KCNQ5: variants seen among roughly 807,000 people sequenced by gnomAD.
KCNQ5 encodes the protein potassium voltage-gated channel subfamily KQT member 5.
In KCNQ5, 30 loss-of-function variants were observed where a neutral mutation model predicts 98.2. The ratio of observed to expected loss-of-function variants is 0.31; its 90% CI spans 0.23 to 0.41. The LOEUF (loss-of-function observed/expected upper bound fraction) is 0.41, where lower values mean the gene tolerates loss of function less well. Among genes scored for constraint, KCNQ5 ranks in the 10% least tolerant of loss-of-function variants. The probability of loss-of-function intolerance (pLI) is 1.00; values close to 1 mark genes in which losing one functional copy is unlikely to be tolerated. For synonymous variants in KCNQ5, 458 were observed against 449.4 expected, an observed-to-expected ratio of 1.02 and a Z score of -0.24; for missense variants, 835 against 1,182.5, an observed-to-expected ratio of 0.71 and a Z score of 4.31.
Position 72,888,721 on chromosome 6 carries a change from T to TGG in KCNQ5, c.399-115187_399-115186insGG, listed in dbSNP as rs199590956. Among the ~76,000 whole-genome samples the TGG allele has an allele frequency of 8.4e-3, 1,276 of 152,324 alleles. 13 individuals are homozygous for TGG. The highest frequency in any genetic ancestry group is 0.027 in the African/African-American group (1,127 of 41,558). Reference sequence around the variant, plus strand: ...CCAGATAATAAATTTCCAGTTCCACTAAGTGTTAGTGAATACCCATCACTT... The same window carrying TGG: ...CCAGATAATAAATTTCCAGTTCCACTGGAAGTGTTAGTGAATACCCATCACTT... On this transcript the variant is annotated intron_variant, in intron 1 of 13. Transcript: ENST00000370398.
At chr6:73,093,057 T>A (rs1774321635) in intron 5 of KCNQ5, among the ~76,000 whole-genome samples, 2 of 152,096 alleles carry the variant, frequency 1.3e-5, no homozygotes, top group African/African-American at 4.8e-5. Flanking sequence ...TTGTTGGTAA[T>A]TTTTTAACTA....
intron 1 of KCNQ5, among the ~76,000 whole-genome samples, chr6:72,656,795 GC>G (rs1390674492): frequency 2.0e-5 from 3 of 151,998 alleles, no homozygotes; most frequent in Non-Finnish European, 4.4e-5. Flanking sequence ...GACACTTTTG[GC>G]CTGGAACTAA....
intron 1 of KCNQ5, among the ~76,000 whole-genome samples, chr6:72,714,094 T>C (rs1282965657): frequency 6.6e-6 from 1 of 152,206 alleles, no homozygotes; most frequent in African/African-American, 2.4e-5. Flanking sequence ...ACTTCATTTA[T>C]TTCTCTGTAA....
rs143152450 is a variant in KCNQ5 at position 72,877,014 on chromosome 6, G to A, written c.399-126894G>A. ...GAAATGGTTTTTCATGGTCTGTCCCGTATGCATCCCTTAATTATCACTCTC... is the reference window on the plus strand; with the variant it reads ...GAAATGGTTTTTCATGGTCTGTCCCATATGCATCCCTTAATTATCACTCTC... On this transcript the variant is annotated intron_variant, in intron 1 of 13. Transcript: ENST00000370398. 1.2e-3 allele frequency among the ~76,000 whole-genome samples: 185 copies of A among 152,142 alleles called. 4 individuals carry two copies. The East Asian group carries it at 0.031, about 26-fold the overall frequency.
chr6:72,928,039 C>T (rs1205505572), intron 1 of KCNQ5, among the ~76,000 whole-genome samples: 2 of 152,090 alleles, frequency 1.3e-5, no homozygotes, highest in East Asian at 3.9e-4. Context: ...AAATTACATG[C>T]TAAGAAATGT....
At chr6:72,691,416 C>T (rs1001272577) in intron 1 of KCNQ5, among the ~76,000 whole-genome samples, 6 of 152,160 alleles carry the variant, frequency 3.9e-5, no homozygotes, top group Non-Finnish European at 7.3e-5. Flanking sequence ...AATTGCTCTG[C>T]GGTTGACCCT....
intron 1 of KCNQ5, among the ~76,000 whole-genome samples, chr6:72,838,741 G>C (rs113483387): frequency 6.6e-6 from 1 of 151,668 alleles, no homozygotes; most frequent in East Asian, 1.9e-4. Flanking sequence ...ACGAGGTCAG[G>C]AGATCGAGAC....
intron 1 of KCNQ5, among the ~76,000 whole-genome samples, chr6:72,809,640 A>G (rs921811124): frequency 2.2e-4 from 34 of 152,210 alleles, no homozygotes; most frequent in African/African-American, 7.7e-4. Flanking sequence ...AAAAATTACA[A>G]TCCATGTGGG....
intron 1 of KCNQ5, among the ~76,000 whole-genome samples, chr6:72,855,450 A>C (rs1198003770): frequency 6.6e-6 from 1 of 152,232 alleles, no homozygotes; most frequent in African/African-American, 2.4e-5. Flanking sequence ...GCATACATAC[A>C]TGCACAAAAA....
intron 1 of KCNQ5, among the ~76,000 whole-genome samples, chr6:72,695,717 C>G (rs1218982931): frequency 6.6e-6 from 1 of 152,040 alleles, no homozygotes; most frequent in Non-Finnish European, 1.5e-5. Flanking sequence ...CACACATACA[C>G]TTGTTTTGGG....
rs896908546 is a variant in KCNQ5, at chr6:72,622,728, TCTTC to T, written c.398+146_398+149del. 3 of 851,856 alleles carry T rather than the reference TCTTC, an allele frequency of 3.5e-6. No homozygotes were observed. The African/African-American group carries it at 5.3e-5, about 15-fold the overall frequency. 52.8% of individuals were successfully genotyped at this position (851,856 alleles called of 1,614,324 possible). Reference sequence around the variant, plus strand: ...TTTATTTCTTCGCACGTGTTCGTGGTCTTCCTTCTGGAGCCTCTCCCCTCCCCCA... The same window carrying T: ...TTTATTTCTTCGCACGTGTTCGTGGTCTTCTGGAGCCTCTCCCCTCCCCCA... On this transcript the variant is annotated intron_variant, in intron 1 of 13. Coordinates refer to ENST00000370398, the MANE Select transcript of KCNQ5 (RefSeq NM_019842.4). This position sits in a 1 kb window ranked among gnomAD's most constrained non-coding sequence, Gnocchi z 6.0.
Position 73,061,783 on chromosome 6 carries a change from T to C in KCNQ5, c.617-15539T>C, listed in dbSNP as rs187134105. ...ATGCAATGAGATGATACATGTAAAG[T>C]GCTTAGCTTAATGCCTGGTGTTTAA... On this transcript the variant is annotated intron_variant, in intron 3 of 13. Coordinates refer to ENST00000370398, the MANE Select transcript of KCNQ5 (RefSeq NM_019842.4). Among the ~76,000 whole-genome samples the C allele has an allele frequency of 2.0e-3, 297 of 152,296 alleles. 2 individuals carry two copies. Among genetic ancestry groups the C allele is most frequent in the South Asian group, 7.1e-3 (34 of 4,816 alleles).
chr6:73,082,040 G>A (rs1773798641), intron 5 of KCNQ5, among the ~76,000 whole-genome samples: 1 of 152,184 alleles, frequency 6.6e-6, no homozygotes, highest in South Asian at 2.1e-4. Flanking sequence ...TTTGAGCATA[G>A]GAAACATAAG....
intron 1 of KCNQ5, among the ~76,000 whole-genome samples, chr6:72,840,385 G>T (rs1226770765): frequency 6.6e-6 from 1 of 152,162 alleles, no homozygotes; most frequent in African/African-American, 2.4e-5. Flanking sequence ...ATACTTAAAA[G>T]AATAGCAAGA....
chr6:72,633,612 C>T (rs1179948463), intron 1 of KCNQ5, among the ~76,000 whole-genome samples: 1 of 152,170 alleles, frequency 6.6e-6, no homozygotes, highest in Non-Finnish European at 1.5e-5. Flanking sequence ...AAGAACAAAG[C>T]TGGAGGCATC....
rs112255672 is a variant in KCNQ5 at position 72,796,611 on chromosome 6, T to C, written c.398+174024T>C. Among the ~76,000 whole-genome samples the C allele has an allele frequency of 2.3e-3, 355 of 152,294 alleles. 1 individual carries two copies. The highest frequency in any genetic ancestry group is 3.9e-3 in the Non-Finnish European group (263 of 68,024). On this transcript the variant is annotated intron_variant, in intron 1 of 13. Transcript: ENST00000370398. ...ATGGACAGAGTAATGCAAAACACTC[T>C]CCAACATTATAAGGCCCTCTACATA...
chr6:72,706,469 A>C (rs552641821), intron 1 of KCNQ5, among the ~76,000 whole-genome samples: 1 of 152,054 alleles, frequency 6.6e-6, no homozygotes, highest in Non-Finnish European at 1.5e-5. Flanking sequence ...TTTATAACTG[A>C]ATAATCTGAG....
intron 5 of KCNQ5, among the ~76,000 whole-genome samples, chr6:73,085,168 C>G (rs569702902): frequency 2.4e-4 from 36 of 152,248 alleles, no homozygotes; most frequent in African/African-American, 8.4e-4. Context: ...AAAGCCAGAT[C>G]AAGCAGATGG....
chr6:72,626,068 A>G (rs1004353351), intron 1 of KCNQ5, among the ~76,000 whole-genome samples: 4 of 152,206 alleles, frequency 2.6e-5, no homozygotes, highest in South Asian at 4.1e-4. Flanking sequence ...AGAGTGTGTA[A>G]TATGTGCTAA....
Sources: gnomAD v4.1 joint callset for allele counts (sites outside exome capture counted in the v4.1 genomes callset) on GRCh38, gnomAD v4.1.1 for gene constraint, Gnocchi (gnomAD v3.1) non-coding constraint, MANE v1.5 for transcripts, NCBI Gene and HGNC (gene_info 2026-07-23, HGNC 2026-07-21) for gene names.